RYR3: variants seen among roughly 807,000 people sequenced by gnomAD.
RYR3 encodes the protein brain ryanodine receptor-calcium release channel.
A neutral mutation model predicts 584.3 loss-of-function variants in RYR3; 207 were observed. The observed-to-expected ratio is 0.35, with a 90% CI of 0.32 to 0.40. The LOEUF is 0.40. Ranked by LOEUF, RYR3 falls within the 10% of genes least tolerant of loss-of-function variation. The pLI, the probability that RYR3 is intolerant of heterozygous loss-of-function variation, is 1.00. For synonymous variants in RYR3, 2,416 were observed against 2,248.5 expected (o/e 1.07, Z -2.11); for missense variants, 5,616 against 6,089.2 (o/e 0.92, Z 2.59).
chr15:33,484,665 G>A (rs1430087724), intron 2 of RYR3, among the ~76,000 whole-genome samples: 1 of 152,194 alleles, frequency 6.6e-6, no homozygotes, highest in East Asian at 1.9e-4. Flanking sequence ...GATCAAGGTA[G>A]GAGGAGTCAA....
intron 38 of RYR3, among the ~76,000 whole-genome samples, chr15:33,678,156 G>C (rs1372316709): frequency 6.6e-6 from 1 of 152,154 alleles, no homozygotes; most frequent in Non-Finnish European, 1.5e-5. Context: ...GTCGGACACA[G>C]GAAGCTCTTA....
At chr15:33,550,112 G>A in intron 9 of RYR3, 48 bp from the exon 10 acceptor site, 1 of 1,585,966 alleles carries the variant, frequency 6.3e-7, no homozygotes, top group Non-Finnish European at 8.6e-7. Context: ...TACTGAAAAG[G>A]ACTTATTTTT....
chr15:33,674,912 GAA>G (rs10580400), intron 38 of RYR3, among the ~76,000 whole-genome samples: 107 of 137,356 alleles, frequency 7.8e-4, no homozygotes, highest in South Asian at 1.2e-3. Context: ...GGTCAGAATG[GAA>G]AAAAAAAAAA....
intron 1 of RYR3, among the ~76,000 whole-genome samples, chr15:33,323,133 A>T (rs1969215222): frequency 1.3e-5 from 2 of 151,758 alleles, no homozygotes; most frequent in Non-Finnish European, 2.9e-5. Flanking sequence ...TTTCTTTGAG[A>T]CAGAGTCTCA....
chr15:33,791,931 A>G (rs1212342091), intron 67 of RYR3, among the ~76,000 whole-genome samples: 1 of 152,096 alleles, frequency 6.6e-6, no homozygotes, highest in Non-Finnish European at 1.5e-5. Flanking sequence ...TGGACAGAGA[A>G]GTGAAATGCA....
At chr15:33,669,504 T>G (rs1175769713) in intron 37 of RYR3, 48 bp downstream of exon 37, 1 of 1,512,324 alleles carries the variant, frequency 6.6e-7, no homozygotes, top group Admixed American at 1.7e-5. Context: ...AAGAAGAGTC[T>G]GTTTTTGATT....
Position 33,603,205 on chromosome 15 carries a change from GT to G in RYR3, c.2006del (p.Val669GlyfsTer5). 2 of 1,613,920 alleles carry G rather than the reference GT, an allele frequency of 1.2e-6. No individual in the cohort carries two copies. Among genetic ancestry groups the G allele is most frequent in the Non-Finnish European group, 1.7e-6 (2 of 1,179,862 alleles). ...GTACTTCGAGCTGATTATCGACCAG[GT>G]GGACCCCTTCCTAACAGCAGAGCCC... ...KWYFELIIDQ[V>X]DPFLTAEPTH... On this transcript the variant is annotated frameshift_variant, in exon 18 of 104. Transcript: ENST00000634891. LOFTEE classifies it high-confidence loss of function.
At chr15:33,549,331 A>T (rs1395084318) in intron 9 of RYR3, among the ~76,000 whole-genome samples, 2 of 152,236 alleles carry the variant, frequency 1.3e-5, no homozygotes, top group Non-Finnish European at 2.9e-5. Flanking sequence ...GAAGAATTCA[A>T]GCCTTTTATC....
chr15:33,710,118 A>G (rs1298984308), intron 43 of RYR3, among the ~76,000 whole-genome samples: 1 of 152,186 alleles, frequency 6.6e-6, no homozygotes, highest in African/African-American at 2.4e-5. Flanking sequence ...TTGCATTGCT[A>G]TAAAGAAATA....
chr15:33,476,115 C>A (rs556345695), intron 2 of RYR3, among the ~76,000 whole-genome samples: 3 of 152,162 alleles, frequency 2.0e-5, no homozygotes, highest in Admixed American at 6.5e-5. Context: ...CCTGAACTTA[C>A]AAAATCTTGA....
At chr15:33,854,957 C>T (rs200709969) in intron 98 of RYR3, 45 bp downstream of exon 98, 3 of 1,533,846 alleles carry the variant, frequency 2.0e-6, no homozygotes, top group Non-Finnish European at 2.6e-6. Flanking sequence ...TGTATATGCA[C>T]AGGAAAAAAA....
chr15:33,652,866 C>G lies in RYR3; in HGVS notation c.4291C>G (p.Leu1431Val). 1 of 1,611,358 alleles carries G rather than the reference C, an allele frequency of 6.2e-7. No individual in the cohort carries two copies. The highest frequency in any genetic ancestry group is 1.1e-5 in the South Asian group (1 of 90,742). Residue 1431 changes from leucine to valine, a missense_variant, in exon 32 of 104, where the codon CTG becomes GTG. By Grantham distance (32) the Leu-to-Val change is conservative. This residue lies in a region of RYR3 where 753 missense variants were observed against 741.0 expected (regional missense o/e 1.02). Transcript: ENST00000634891. ...GTCCTTCTCAGCCAATGGAAAGGAA[C>G]TGGGCACCTGCTACCAGGTAAGGGC... ...MLSFSANGKE[L>V]GTCYQVEPNT...
At chr15:33,616,401 G>T (rs998397280) in intron 19 of RYR3, among the ~76,000 whole-genome samples, 1 of 152,136 alleles carries the variant, frequency 6.6e-6, no homozygotes, top group African/African-American at 2.4e-5. Context: ...GAATCCTCTT[G>T]ACAAGAACCG....
chr15:33,623,583 A>C (rs550818350), intron 19 of RYR3, among the ~76,000 whole-genome samples: 1 of 152,296 alleles, frequency 6.6e-6, no homozygotes, highest in Non-Finnish European at 1.5e-5. Flanking sequence ...ATGTTTAGGA[A>C]CTTAGCCGTG....
intron 3 of RYR3, among the ~76,000 whole-genome samples, chr15:33,512,833 T>G (rs1243383556): frequency 6.6e-6 from 1 of 152,236 alleles, no homozygotes; most frequent in Non-Finnish European, 1.5e-5. Flanking sequence ...GAAAGTTTCT[T>G]AGAGGCATGA....
chr15:33,863,601 A>T (rs1434435438), intron 102 of RYR3, among the ~76,000 whole-genome samples: 1 of 152,200 alleles, frequency 6.6e-6, no homozygotes, highest in Non-Finnish European at 1.5e-5. Context: ...AACCTAAGAT[A>T]TGGATCACAG....
At position 33,601,614 on chromosome 15, in the gene RYR3, G is replaced by A. The variant is rs1037692198; in HGVS notation, c.1922+62G>A. ...GTTCTGCCTGTCTTGTCCCCAAGCA[G>A]GAAAAGAGGGCTCATCTGAACTCCA... On this transcript the variant is annotated intron_variant, in intron 17 of 103. Transcript: ENST00000634891. 5 of 1,587,730 alleles carry A rather than the reference G, an allele frequency of 3.1e-6. No individual in the cohort carries two copies. The Admixed American group carries it at 8.4e-5, about 27-fold the overall frequency.
At chr15:33,416,075 T>G (rs1050521997) in intron 1 of RYR3, among the ~76,000 whole-genome samples, 3 of 152,342 alleles carry the variant, frequency 2.0e-5, no homozygotes, top group Admixed American at 6.5e-5. Flanking sequence ...AGTATATATA[T>G]CCCACATTTT....
chr15:33,849,215 C>T (rs2078930733), intron 94 of RYR3: 1 of 152,120 alleles, frequency 6.6e-6, no homozygotes, highest in African/African-American at 2.4e-5. Context: ...ATTACATGGG[C>T]AGGTAAATAG....
Sources: gnomAD v4.1 joint callset for allele counts (sites outside exome capture counted in the v4.1 genomes callset) on GRCh38, gnomAD v4.1.1 for gene constraint, gnomAD v4.1.1 regional missense constraint, MANE v1.5 for transcripts, NCBI Gene and HGNC (gene_info 2026-07-23, HGNC 2026-07-21) for gene names.